The following SF3A3 variants were observed in gnomAD, a reference collection of about 807,000 sequenced individuals.
SF3A3 encodes SAP 61.
A neutral mutation model predicts 85.8 loss-of-function variants in SF3A3; 9 were observed. That is an observed-to-expected ratio of 0.10 (90% confidence interval 0.06 to 0.18). The LOEUF (loss-of-function observed/expected upper bound fraction) is 0.18, where lower values mean the gene tolerates loss of function less well. Ranked by LOEUF, SF3A3 falls within the 10% of genes least tolerant of loss-of-function variation. SF3A3 has a pLI of 1.00. For missense variants in SF3A3, 306 were observed against 593.3 expected, an observed-to-expected ratio of 0.52 and a Z score of 5.03; for synonymous variants, 195 against 204.4, an observed-to-expected ratio of 0.95 and a Z score of 0.39.
chr1:37,960,018 T>C, intron 16 of SF3A3, 102 bp downstream of exon 16: 3 of 816,500 alleles, frequency 3.7e-6, no homozygotes, highest in African/African-American at 1.7e-5. Context: ...TTCTACTCGC[T>C]GCTGCAGTAC....
intron 6 of SF3A3, 41 bp downstream of exon 6, chr1:37,984,128 C>T (rs1646439266): frequency 1.7e-6 from 2 of 1,148,490 alleles, no homozygotes; most frequent in Non-Finnish European, 2.6e-6. Context: ...TCCTGACTCA[C>T]TTCGAGAATC....
intron 15 of SF3A3, 148 bp from the exon 16 acceptor site, chr1:37,960,323 C>A: frequency 3.0e-6 from 2 of 662,518 alleles, no homozygotes; most frequent in Non-Finnish European, 2.7e-6. Flanking sequence ...AGTTTTGGTT[C>A]TGGACCACCT....
At chr1:37,969,290 C>CT in intron 14 of SF3A3, 64 bp downstream of exon 14, 1 of 1,257,532 alleles carries the variant, frequency 8.0e-7, no homozygotes, top group Admixed American at 1.7e-5. Flanking sequence ...TGCTCCTACT[C>CT]TTTTCTCTAA....
At chr1:37,967,677 C>CAAAAAAAAAAAAAAA (rs34369006) in intron 15 of SF3A3, among the ~76,000 whole-genome samples, 1 of 44,236 alleles carries the variant, frequency 2.3e-5, no homozygotes, top group African/African-American at 9.3e-5. Flanking sequence ...GACTCCGTCA[C>CAAAAAAAAAAAAAAA]AAAAAAAAAA....
At chr1:37,976,172 C>T (rs954941637) in intron 12 of SF3A3, among the ~76,000 whole-genome samples, 1 of 140,604 alleles carries the variant, frequency 7.1e-6, no homozygotes, top group Non-Finnish European at 1.5e-5. Flanking sequence ...AAAAAAAAAA[C>T]TGTACACAGC....
chr1:37,979,612 T>C lies in SF3A3; in HGVS notation c.691-79A>G. On this transcript the variant is annotated intron_variant, in intron 8 of 16. Transcript: ENST00000373019. ...GGCTCACACCTGTAATCTCAGCATT[T>C]TGGGAGGCCAAGATAGGTGAATTGC... 2.8e-6 allele frequency: 3 copies of C among 1,084,100 alleles called. No individual in the cohort carries two copies. In the Admixed American group the frequency reaches 5.7e-5, roughly 20 times the overall value. 67.2% of individuals were successfully genotyped at this position (1,084,100 alleles called of 1,614,324 possible).
rs938298687 is a variant in SF3A3 at position 37,956,975 on chromosome 1, T to G, written c.*1211A>C. On this transcript the variant is annotated 3_prime_UTR_variant, in exon 17 of 17. Transcript: ENST00000373019. The stretch of plus-strand genomic sequence containing the variant: ...TGTAATATAAAGAAAAAGATTAACA[T>G]TTTTTTAAAAAGTAGATTTATTAAA... The G allele has an allele frequency of 1.3e-5, 2 of 152,160 alleles. No individual in the cohort carries two copies. The highest frequency in any genetic ancestry group is 2.9e-5 in the Non-Finnish European group (2 of 68,030). The allele number at this position is 152,160 out of a possible 1,614,324, so 9.4% of individuals were successfully genotyped here. A position where few individuals can be genotyped will look rare whatever the true frequency, so the allele number is the denominator to read the frequency against.
intron 8 of SF3A3, 34 bp downstream of exon 8, chr1:37,980,552 G>T (rs1434033664): frequency 6.2e-7 from 1 of 1,606,138 alleles, no homozygotes; most frequent in South Asian, 1.1e-5. Context: ...CAATTCCCTG[G>T]CATGTCCACC....
At chr1:37,986,649 A>C (rs1200151400) in intron 4 of SF3A3, among the ~76,000 whole-genome samples, 6 of 151,830 alleles carry the variant, frequency 4.0e-5, no homozygotes, top group Non-Finnish European at 8.8e-5. Context: ...GTCTCAACTA[A>C]AAAATACATA....
chr1:37,961,677 G>A (rs187294195), intron 15 of SF3A3, among the ~76,000 whole-genome samples: 40 of 140,052 alleles, frequency 2.9e-4, no homozygotes, highest in African/African-American at 9.7e-4. Flanking sequence ...CTATGTGACA[G>A]GGCAGGACCC....
At chr1:37,960,084 G>C (rs1207012291) in intron 16 of SF3A3, 36 bp downstream of exon 16, 17 of 1,581,372 alleles carry the variant, frequency 1.1e-5, no homozygotes, top group Admixed American at 1.7e-5. Context: ...TCTATCACTT[G>C]ACACTATCCC....
chr1:37,983,738 C>T (rs954926452), intron 6 of SF3A3, among the ~76,000 whole-genome samples: 1 of 151,702 alleles, frequency 6.6e-6, no homozygotes, highest in African/African-American at 2.4e-5. Context: ...AGTTTGTGAC[C>T]AGCCTGGGCA....
At chr1:37,975,768 C>T (rs1646375269) in intron 12 of SF3A3, among the ~76,000 whole-genome samples, 2 of 152,106 alleles carry the variant, frequency 1.3e-5, no homozygotes, top group Admixed American at 6.6e-5. Flanking sequence ...TGAAAATGTC[C>T]ACGGCAATTA....
At chr1:37,975,072 T>C (rs558703674) in intron 12 of SF3A3, among the ~76,000 whole-genome samples, 108 of 152,180 alleles carry the variant, frequency 7.1e-4, no homozygotes, top group African/African-American at 2.5e-3. Context: ...ATCAAAAAAA[T>C]TTGCATAATG....
In SF3A3 at chr1:37,983,933, T is replaced by C. The variant is rs567862334; in HGVS notation, c.468+236A>G. Among the ~76,000 whole-genome samples, 115 of 152,090 alleles carry C rather than the reference T, an allele frequency of 7.6e-4. 1 individual carries two copies. Among genetic ancestry groups the C allele is most frequent in the Non-Finnish European group, 1.4e-3 (96 of 68,010 alleles). ...GACTGGGCAACATGGTAAGACCTCATCTCAAAATAAAAAAAAAAGTATTAA... is the reference window on the plus strand; with the variant it reads ...GACTGGGCAACATGGTAAGACCTCACCTCAAAATAAAAAAAAAAGTATTAA... On this transcript the variant is annotated intron_variant, in intron 6 of 16. Transcript: ENST00000373019.
At position 37,969,560 on chromosome 1, in the gene SF3A3, C is replaced by T. The variant is rs746397969; in HGVS notation, c.1170+11G>A. 4 of 1,614,078 alleles carry T rather than the reference C, an allele frequency of 2.5e-6. No homozygotes were observed. Among genetic ancestry groups the T allele is most frequent in the Non-Finnish European group, 8.5e-7 (1 of 1,180,038 alleles). ...GGGGAATGGGGAGAAAGTGGTAGTG[C>T]TGAGACTTACTTTGCCATCCCAGCC... On this transcript the variant is annotated intron_variant, in intron 13 of 16. Transcript: ENST00000373019.
chr1:37,981,007 G>A (rs544321446), intron 7 of SF3A3, among the ~76,000 whole-genome samples: 1 of 151,724 alleles, frequency 6.6e-6, no homozygotes, highest in Non-Finnish European at 1.5e-5. Context: ...GCGCCACCAT[G>A]CCCGGCTAAT....
In SF3A3 at chr1:37,969,666, C is replaced by G. The variant is rs1249669522; in HGVS notation, c.1075G>C (p.Glu359Gln). ...CTCTCACTGATCTGCTCTTCTTCCTCTTCTTCTCGCTCTTCTCCTGTCCTG... is the reference window on the plus strand; with the variant it reads ...CTCTCACTGATCTGCTCTTCTTCCTGTTCTTCTCGCTCTTCTCCTGTCCTG... ...QARTGEEREE[E>Q]EEEQISESES... Residue 359 changes from glutamate to glutamine, a missense_variant, in exon 13 of 17, where the codon GAG (glutamate) becomes CAG (glutamine). Glu to Gln is a conservative substitution (Grantham distance 29, BLOSUM62 2). Coordinates refer to ENST00000373019, the MANE Select transcript of SF3A3 (RefSeq NM_006802.4). 6.8e-6 allele frequency: 11 copies of G among 1,613,970 alleles called. No individual in the cohort carries two copies. Among genetic ancestry groups the G allele is most frequent in the Non-Finnish European group, 8.5e-6 (10 of 1,179,930 alleles).
intron 1 of SF3A3, 133 bp from the exon 2 acceptor site, chr1:37,989,728 G>T: frequency 8.0e-7 from 1 of 1,254,440 alleles, no homozygotes; most frequent in African/African-American, 1.5e-5. Context: ...CGGACCCCGG[G>T]AGGAGGTTAC....
Sources: allele counts gnomAD v4.1 joint callset (sites outside exome capture counted in the v4.1 genomes callset), GRCh38; gene constraint gnomAD v4.1.1; transcripts MANE v1.5; gene names NCBI Gene and HGNC (gene_info 2026-07-23, HGNC 2026-07-21).